Variants in GON4L observed in about 807,000 individuals in gnomAD.
The protein encoded by GON4L is GON-4-like protein.
Under a neutral mutation model 211.8 loss-of-function variants are expected in GON4L, and 87 were observed. The ratio of observed to expected loss-of-function variants is 0.41; its 90% CI spans 0.35 to 0.49. The LOEUF is 0.49. Ranked by LOEUF, GON4L falls within the 20% of genes least tolerant of loss-of-function variation. The pLI, the probability that GON4L is intolerant of heterozygous loss-of-function variation, is 0.15. For synonymous variants in GON4L, 875 were observed against 962.6 expected (o/e 0.91, Z 1.68); for missense variants, 2,155 against 2,659.5 (o/e 0.81, Z 4.17).
intron 3 of GON4L, among the ~76,000 whole-genome samples, chr1:155,822,764 G>A (rs1013984195): frequency 6.6e-6 from 1 of 152,156 alleles, no homozygotes; most frequent in Non-Finnish European, 1.5e-5. Flanking sequence ...GTTGGTTGTG[G>A]TAGCAGTTAA....
intron 1 of GON4L, among the ~76,000 whole-genome samples, chr1:155,856,400 T>C (rs1672285687): frequency 6.7e-6 from 1 of 149,522 alleles, no homozygotes. Flanking sequence ...AACGACTTTT[T>C]TTCTTTTTTT....
At chr1:155,748,494 T>C (rs1660342984), downstream of GON4L, 3 of 1,613,620 alleles carry the variant, frequency 1.9e-6, no homozygotes, top group South Asian at 2.2e-5. Context: ...GTTTCCATGG[T>C]TCATCTGGCT....
At chr1:155,784,142 G>A in intron 13 of GON4L, 53 bp from the exon 14 acceptor site, 1 of 1,602,910 alleles carries the variant, frequency 6.2e-7, no homozygotes, top group Non-Finnish European at 8.5e-7. Context: ...TCTGAATGTT[G>A]CTCCAGTATT....
intron 11 of GON4L, among the ~76,000 whole-genome samples, chr1:155,799,409 G>C (rs1227014928): frequency 6.6e-6 from 1 of 152,184 alleles, no homozygotes; most frequent in Non-Finnish European, 1.5e-5. Context: ...ACTCCAGCCT[G>C]GGTGACAAGA....
At chr1:155,776,856 C>G (rs992471656) in intron 15 of GON4L, among the ~76,000 whole-genome samples, 8 of 152,136 alleles carry the variant, frequency 5.3e-5, no homozygotes, top group Admixed American at 3.3e-4. Context: ...ACCCAGCCCC[C>G]AGAGAGACAA....
Position 155,765,767 on chromosome 1 carries a change from C to G in GON4L, c.3706G>C (p.Ala1236Pro), listed in dbSNP as rs375881824. 16 of 1,614,088 alleles carry G rather than the reference C, an allele frequency of 9.9e-6. No homozygotes were observed. The African/African-American group carries it at 1.6e-4, about 16-fold the overall frequency. The change falls in exon 21 of 32, where the codon GCT becomes CCT. Residue 1236 changes from alanine (A) to proline (P), a missense_variant. This residue lies in a region of GON4L where 615 missense variants were observed against 625.7 expected (regional missense o/e 0.98). Coordinates refer to ENST00000368331, the MANE Select transcript of GON4L (RefSeq NM_001282860.2). ...CCCTGAAAGGCATTTTCCCCATCAGCCACAGCACAAGCAATGTCCACATTC... is the reference window on the plus strand; with the variant it reads ...CCCTGAAAGGCATTTTCCCCATCAGGCACAGCACAAGCAATGTCCACATTC... ...HVNVDIACAV[A>P]DGENAFQGLE...
intron 9 of GON4L, 77 bp from the exon 10 acceptor site, chr1:155,813,881 G>T (rs1279755172): frequency 9.4e-6 from 11 of 1,168,836 alleles, no homozygotes; most frequent in Non-Finnish European, 1.3e-5. Context: ...GAAAAAAAGA[G>T]AGGGAAAAAG....
rs756505695 is a variant in GON4L, at chr1:155,765,607, C to T, written c.3866G>A (p.Arg1289His). The T allele has an allele frequency of 1.5e-5, 24 of 1,614,060 alleles. No homozygotes were observed. The Middle Eastern group carries it at 8.2e-4, about 55-fold the overall frequency. The stretch of plus-strand genomic sequence containing the variant: ...CTCCTCTGTTTTCACAACGGTCCAG[C>T]GACAGGCACTATTCTCTGACAATCC... ...QEGLSENSAC[R>H]WTVVKTEEGR... Residue 1289 changes from arginine (R) to histidine (H), a missense_variant, in exon 21 of 32, where the codon CGC becomes CAC. This residue lies in a region of GON4L where 615 missense variants were observed against 625.7 expected (regional missense o/e 0.98). Coordinates refer to ENST00000368331, the MANE Select transcript of GON4L (RefSeq NM_001282860.2).
intron 19 of GON4L, among the ~76,000 whole-genome samples, chr1:155,769,809 G>C (rs1041519963): frequency 2.0e-5 from 3 of 151,992 alleles, no homozygotes; most frequent in African/African-American, 4.8e-5. Context: ...TTACTAGCGA[G>C]GAGATTGGAG....
intron 12 of GON4L, among the ~76,000 whole-genome samples, chr1:155,788,384 G>C (rs1665171141): frequency 2.0e-5 from 3 of 152,170 alleles, no homozygotes; most frequent in South Asian, 2.1e-4. Context: ...TTTGGAAAAT[G>C]GTCTGGCAAT....
intron 23 of GON4L, among the ~76,000 whole-genome samples, chr1:155,761,939 TATC>T (rs1309652589): frequency 6.6e-6 from 1 of 152,210 alleles, no homozygotes; most frequent in Non-Finnish European, 1.5e-5. Context: ...ATGATGGTGG[TATC>T]ATCTTTCTGC....
intron 2 of GON4L, among the ~76,000 whole-genome samples, chr1:155,837,401 A>T (rs991403696): frequency 1.3e-5 from 2 of 151,966 alleles, no homozygotes; most frequent in Non-Finnish European, 2.9e-5. Flanking sequence ...CTCTTCCCCA[A>T]TTCACATTTG....
chr1:155,752,194 G>A lies in GON4L; in HGVS notation c.6239C>T (p.Ser2080Leu), dbSNP rs1660675473. The change falls in exon 30 of 32, where the codon TCA becomes TTA. Residue 2080 changes from serine (S) to leucine (L), a missense_variant. Physicochemically the swap from Ser to Leu is moderately radical, Grantham distance 145 (BLOSUM62 -2). Transcript: ENST00000368331. ...KPDTQERWLP[S>L]SRARVKTRDR... ...TCTTGTCTTCACCCGAGCTCTGCTT[G>A]AGGGCAGCCATCTCTCTTGAGTGTC... 7 of 1,613,642 alleles carry A rather than the reference G, an allele frequency of 4.3e-6. No homozygotes were observed. Among genetic ancestry groups the A allele is most frequent in the Non-Finnish European group, 5.1e-6 (6 of 1,179,700 alleles).
chr1:155,838,394 T>G (rs914547762), intron 2 of GON4L, among the ~76,000 whole-genome samples: 8 of 152,362 alleles, frequency 5.3e-5, no homozygotes, highest in Admixed American at 5.2e-4. Context: ...CCCATGTGTT[T>G]AAGATTCTTA....
At chr1:155,758,444 A>G (rs1430516761) in intron 24 of GON4L, among the ~76,000 whole-genome samples, 1 of 152,194 alleles carries the variant, frequency 6.6e-6, no homozygotes, top group African/African-American at 2.4e-5. Flanking sequence ...GAGTTCAAGA[A>G]CAGCAACATA....
In GON4L at chr1:155,852,760, G is replaced by A. The variant is rs73002917; in HGVS notation, c.505+516C>T. Among the ~76,000 whole-genome samples the A allele has an allele frequency of 5.7e-3, 859 of 152,030 alleles. 7 individuals are homozygous for A. Among genetic ancestry groups the A allele is most frequent in the African/African-American group, 0.02 (812 of 41,480 alleles). On this transcript the variant is annotated intron_variant, in intron 2 of 31. Coordinates refer to ENST00000368331, the MANE Select transcript of GON4L (RefSeq NM_001282860.2). The stretch of plus-strand genomic sequence containing the variant: ...TCCGTCTCAAAAAAGAAAGAAGAAA[G>A]GGGTACAGAAGTGGATATAGCGAAT...
At chr1:155,856,411 T>C (rs1345981664) in intron 1 of GON4L, among the ~76,000 whole-genome samples, 1 of 151,730 alleles carries the variant, frequency 6.6e-6, no homozygotes, top group Admixed American at 6.6e-5. Context: ...TTCTTTTTTT[T>C]TTTTTGTAGA....
chr1:155,816,665 A>C (rs746762226), intron 6 of GON4L, among the ~76,000 whole-genome samples: 7 of 152,016 alleles, frequency 4.6e-5, no homozygotes, highest in Middle Eastern at 6.8e-3. Flanking sequence ...GTAATCAGTT[A>C]CATGAATCCA....
At position 155,808,566 on chromosome 1, in the gene GON4L, T is replaced by C. The variant is rs560391482; in HGVS notation, c.1453-3425A>G. Among the ~76,000 whole-genome samples the C allele has an allele frequency of 5.3e-5, 8 of 152,298 alleles. No homozygotes were observed. In the South Asian group the frequency reaches 1.7e-3, roughly 32 times the overall value. ...ACTTTTTCTCCCCAGATCTTTTACA[T>C]GCCTGGCTTCCTCTCATTCGGATCT... On this transcript the variant is annotated intron_variant, in intron 10 of 31. Coordinates refer to ENST00000368331, the MANE Select transcript of GON4L (RefSeq NM_001282860.2).
Sources: gnomAD v4.1 joint callset for allele counts (sites outside exome capture counted in the v4.1 genomes callset) on GRCh38, gnomAD v4.1.1 for gene constraint, gnomAD v4.1.1 regional missense constraint, MANE v1.5 for transcripts, NCBI Gene and HGNC (gene_info 2026-07-23, HGNC 2026-07-21) for gene names.